The following SESTD1 variants were observed in gnomAD, a reference collection of about 807,000 sequenced individuals.
SESTD1 encodes SEC14 and spectrin domain containing 1.
SESTD1 carries 43 observed loss-of-function variants against 101.7 expected under a neutral mutation model. The observed-to-expected ratio is 0.42, with a 90% CI of 0.33 to 0.55. The LOEUF is 0.55. Among genes scored for constraint, SESTD1 ranks in the 20% least tolerant of loss-of-function variants. The pLI, the probability that SESTD1 is intolerant of heterozygous loss-of-function variation, is 0.07. For synonymous variants in SESTD1, 283 were observed against 286.8 expected (o/e 0.99, Z 0.13); for missense variants, 647 against 815.1 (o/e 0.79, Z 2.51).
At chr2:179,114,344 ATC>A (rs1473196524) in intron 16 of SESTD1, among the ~76,000 whole-genome samples, 4 of 152,174 alleles carry the variant, frequency 2.6e-5, no homozygotes, top group Admixed American at 1.3e-4. Context: ...GTTTGCTAAT[ATC>A]TCAAAGTGTA....
chr2:179,219,093 G>A (rs547152412), intron 1 of SESTD1, among the ~76,000 whole-genome samples: 43 of 152,084 alleles, frequency 2.8e-4, no homozygotes, highest in African/African-American at 8.9e-4. Flanking sequence ...CCAAGATCCC[G>A]CAGCTACATA....
rs2044604485 is a variant in SESTD1 at position 179,115,308 on chromosome 2, G to A, written c.1648-52C>T. 3.6e-6 allele frequency: 5 copies of A among 1,383,296 alleles called. No individual in the cohort carries two copies. In the South Asian group the frequency reaches 5.8e-5, roughly 16 times the overall value. 85.7% of individuals were successfully genotyped at this position (1,383,296 alleles called of 1,614,324 possible). Reference sequence around the variant, plus strand: ...TGTAATAAAAGAATTCTTAAGAGAAGGATGGGGAAAGTGTGCAGGAAGATT... The same window carrying A: ...TGTAATAAAAGAATTCTTAAGAGAAAGATGGGGAAAGTGTGCAGGAAGATT... On this transcript the variant is annotated intron_variant, in intron 15 of 17. Coordinates refer to ENST00000428443, the MANE Select transcript of SESTD1 (RefSeq NM_178123.5).
intron 8 of SESTD1, among the ~76,000 whole-genome samples, chr2:179,144,249 A>C (rs1033004930): frequency 6.6e-6 from 1 of 152,104 alleles, no homozygotes; most frequent in Non-Finnish European, 1.5e-5. Context: ...TAATCCAAGT[A>C]ATATGTTGTA....
intron 4 of SESTD1, among the ~76,000 whole-genome samples, chr2:179,176,105 A>T (rs779220554): frequency 6.6e-6 from 1 of 152,208 alleles, no homozygotes; most frequent in Admixed American, 6.5e-5. Flanking sequence ...TGCAAGAGGG[A>T]GAATGATACA....
intron 1 of SESTD1, among the ~76,000 whole-genome samples, chr2:179,250,207 G>A (rs956640562): frequency 7.9e-5 from 12 of 152,068 alleles, no homozygotes; most frequent in African/African-American, 2.9e-4. Flanking sequence ...AAAATGGGCA[G>A]AAGGGCAGAA....
chr2:179,124,866 C>T lies in SESTD1; in HGVS notation c.973-308G>A, dbSNP rs2044834325. Among the ~76,000 whole-genome samples, 3 of 152,250 alleles carry T rather than the reference C, an allele frequency of 2.0e-5. No homozygotes were observed. In the South Asian group the frequency reaches 6.2e-4, roughly 32 times the overall value. ...CAAGCCTGAAGGTGGGTTTGGGTGC[C>T]TCGTTCCTCACTACTTGCAGACCAT... On this transcript the variant is annotated intron_variant, in intron 10 of 17. Transcript: ENST00000428443.
At chr2:179,220,619 A>G (rs1171798048) in intron 1 of SESTD1, among the ~76,000 whole-genome samples, 1 of 152,164 alleles carries the variant, frequency 6.6e-6, no homozygotes, top group Non-Finnish European at 1.5e-5. Flanking sequence ...CAAGGCATGC[A>G]TGTGTCCACT....
In SESTD1 at chr2:179,116,860, TAC is replaced by T. The variant is rs2044644174; in HGVS notation, c.1525-72_1525-71del. ...ACTTATTGTATCAAAATGTCATTTATACAGAGATTACTATCATGTGATTAATA... is the reference window on the plus strand; with the variant it reads ...ACTTATTGTATCAAAATGTCATTTATAGAGATTACTATCATGTGATTAATA... On this transcript the variant is annotated intron_variant, in intron 14 of 17. Coordinates refer to ENST00000428443, the MANE Select transcript of SESTD1 (RefSeq NM_178123.5). The T allele has an allele frequency of 6.8e-5, 106 of 1,551,490 alleles. 1 individual carries two copies. In the South Asian group the frequency reaches 1.2e-3, roughly 18 times the overall value.
chr2:179,122,760 G>A (rs2044782895), intron 12 of SESTD1, among the ~76,000 whole-genome samples: 3 of 152,104 alleles, frequency 2.0e-5, no homozygotes, highest in South Asian at 2.1e-4. Context: ...GCCGGGCGTG[G>A]TGGCAGGTGC....
chr2:179,242,747 A>C (rs1307490996), intron 1 of SESTD1, among the ~76,000 whole-genome samples: 1 of 152,222 alleles, frequency 6.6e-6, no homozygotes, highest in Non-Finnish European at 1.5e-5. Context: ...TTGGCTAGCC[A>C]CGTGCAGAAG....
intron 3 of SESTD1, among the ~76,000 whole-genome samples, chr2:179,177,242 T>C (rs1215162514): frequency 6.6e-6 from 1 of 152,212 alleles, no homozygotes; most frequent in Non-Finnish European, 1.5e-5. Context: ...CAACAACTTC[T>C]GGAGGGAAAA....
intron 1 of SESTD1, among the ~76,000 whole-genome samples, chr2:179,196,916 G>A (rs1213138214): frequency 6.6e-6 from 1 of 152,196 alleles, no homozygotes; most frequent in Non-Finnish European, 1.5e-5. Flanking sequence ...CTCCTCCAAA[G>A]GAACGCAGTT....
chr2:179,220,958 G>A (rs1046367726), intron 1 of SESTD1, among the ~76,000 whole-genome samples: 1 of 152,048 alleles, frequency 6.6e-6, no homozygotes, highest in African/African-American at 2.4e-5. Context: ...TGTATTTCAG[G>A]GCCCCTAATT....
chr2:179,189,040 A>C (rs2046280309), intron 2 of SESTD1, among the ~76,000 whole-genome samples: 2 of 152,176 alleles, frequency 1.3e-5, no homozygotes, highest in South Asian at 4.1e-4. Context: ...AAATTATTCC[A>C]AAAAATTAAA....
At chr2:179,140,370 T>C (rs184779133) in intron 9 of SESTD1, among the ~76,000 whole-genome samples, 11 of 152,096 alleles carry the variant, frequency 7.2e-5, no homozygotes, top group African/African-American at 2.7e-4. Flanking sequence ...CTGGTATCCT[T>C]ATAAGGAGAG....
In SESTD1 at chr2:179,150,826, G is replaced by GA. The variant is rs11351362; in HGVS notation, c.483+451dup. Among the ~76,000 whole-genome samples the GA allele has an allele frequency of 2.0e-4, 29 of 145,258 alleles. 1 individual carries two copies. In the East Asian group the frequency reaches 2.4e-3, roughly 12 times the overall value. On this transcript the variant is annotated intron_variant, in intron 6 of 17. Coordinates refer to ENST00000428443, the MANE Select transcript of SESTD1 (RefSeq NM_178123.5). ...CAGAGCAAGACTGTCTCAAAAAAAA[G>GA]AAAAAAAAAAATTATGCTACTGTTA...
At chr2:179,218,532 T>C (rs1330279457) in intron 1 of SESTD1, among the ~76,000 whole-genome samples, 2 of 151,752 alleles carry the variant, frequency 1.3e-5, no homozygotes, top group African/African-American at 4.8e-5. Context: ...AACCATGATT[T>C]TGTGTTACCT....
chr2:179,247,091 G>A (rs2047243803), intron 1 of SESTD1, among the ~76,000 whole-genome samples: 1 of 151,978 alleles, frequency 6.6e-6, no homozygotes, highest in Non-Finnish European at 1.5e-5. Context: ...AACTACAATA[G>A]TGGTGAAGGC....
At chr2:179,246,121 G>T (rs1241826177) in intron 1 of SESTD1, among the ~76,000 whole-genome samples, 5 of 152,048 alleles carry the variant, frequency 3.3e-5, no homozygotes, top group Non-Finnish European at 5.9e-5. Flanking sequence ...TGGGTGTGGT[G>T]GCGTGCGCCT....
Sources: gnomAD v4.1 joint callset for allele counts (sites outside exome capture counted in the v4.1 genomes callset) on GRCh38, gnomAD v4.1.1 for gene constraint, MANE v1.5 for transcripts, NCBI Gene and HGNC (gene_info 2026-07-23, HGNC 2026-07-21) for gene names.